The following FHIT variants were observed in gnomAD, a reference collection of about 807,000 sequenced individuals.
The protein encoded by FHIT is fragile histidine triad diadenosine triphosphatase, also known as bis(5'-adenosyl)-triphosphatase.
A neutral mutation model predicts 17.9 loss-of-function variants in FHIT; 19 were observed. The observed-to-expected ratio is 1.06, with a 90% confidence interval of 0.74 to 1.56. FHIT has a LOEUF of 1.56. Among genes scored for constraint, FHIT ranks in the 40% most tolerant of loss-of-function variants. FHIT has a pLI of 0.00. For missense variants in FHIT, 248 were observed against 189.2 expected (o/e 1.31, Z -1.82); for synonymous variants, 81 against 69.7 (o/e 1.16, Z -0.81).
At chr3:60,283,035 G>C (rs1264196836) in intron 5 of FHIT, among the ~76,000 whole-genome samples, 1 of 152,160 alleles carries the variant, frequency 6.6e-6, no homozygotes, top group Non-Finnish European at 1.5e-5. Context: ...ACAGATGGCA[G>C]AACCCTCAGG....
chr3:60,506,645 G>C (rs2034743048), intron 5 of FHIT, among the ~76,000 whole-genome samples: 1 of 152,140 alleles, frequency 6.6e-6, no homozygotes. Flanking sequence ...CCCTCCCAAA[G>C]GAAGCTTTAA....
In FHIT at chr3:60,778,052, G is replaced by C. The variant is rs782226794; in HGVS notation, c.-18+43867C>G. Among the ~76,000 whole-genome samples, 4 of 152,290 alleles carry C rather than the reference G, an allele frequency of 2.6e-5. No individual in the cohort carries two copies. In the Middle Eastern group the frequency reaches 0.01, roughly 388 times the overall value. ...CTAAGAGAGGTAAACAGAATTATTT[G>C]ACATGTTTAGGTACATGGGATTGCC... On this transcript the variant is annotated intron_variant, in intron 4 of 9. Coordinates refer to ENST00000492590, the MANE Select transcript of FHIT (RefSeq NM_002012.4).
Position 60,904,885 on chromosome 3 carries a change from G to A in FHIT, c.-110-82874C>T, listed in dbSNP as rs187891917. ...ACCCGGGAGGCGGAGGTTGCAGTGA[G>A]CTGAGATCACACCACTGCACTCCAG... On this transcript the variant is annotated intron_variant, in intron 3 of 9. Transcript: ENST00000492590. Among the ~76,000 whole-genome samples the A allele has an allele frequency of 1.0e-3, 155 of 148,768 alleles. 1 individual carries two copies. Among genetic ancestry groups the A allele is most frequent in the Admixed American group, 9.1e-3 (135 of 14,822 alleles).
At chr3:60,523,696 C>G (rs945765862) in intron 5 of FHIT, among the ~76,000 whole-genome samples, 1 of 152,194 alleles carries the variant, frequency 6.6e-6, no homozygotes, top group African/African-American at 2.4e-5. Context: ...TTATCAAACC[C>G]TTCTGTTAGA....
intron 5 of FHIT, among the ~76,000 whole-genome samples, chr3:60,381,950 G>A (rs1700817019): frequency 6.8e-6 from 1 of 146,062 alleles, no homozygotes; most frequent in African/African-American, 2.5e-5. Flanking sequence ...GTAACTACAA[G>A]TAGGTATTTA....
At chr3:59,998,761 C>T (rs1409993197) in intron 7 of FHIT, among the ~76,000 whole-genome samples, 1 of 152,098 alleles carries the variant, frequency 6.6e-6, no homozygotes, top group Non-Finnish European at 1.5e-5. Context: ...ACCTTCCTGT[C>T]CCCTTCCCTA....
intron 6 of FHIT, among the ~76,000 whole-genome samples, chr3:60,012,511 T>C (rs1700182873): frequency 6.6e-6 from 1 of 152,034 alleles, no homozygotes; most frequent in Non-Finnish European, 1.5e-5. Flanking sequence ...TCAAGAGAGC[T>C]GCCGGTCTTA....
chr3:60,663,518 C>T (rs1553691709), intron 4 of FHIT, among the ~76,000 whole-genome samples: 1 of 152,036 alleles, frequency 6.6e-6, no homozygotes, highest in Admixed American at 6.6e-5. Context: ...TCACTGCAAC[C>T]TCCATCTCCT....
chr3:59,954,962 C>T (rs916867234), intron 7 of FHIT, among the ~76,000 whole-genome samples: 1 of 152,152 alleles, frequency 6.6e-6, no homozygotes, highest in Non-Finnish European at 1.5e-5. Context: ...ACAAAATCAG[C>T]AGTACTGTTT....
At chr3:60,436,656 TG>T (rs752433240) in intron 5 of FHIT, among the ~76,000 whole-genome samples, 2 of 152,144 alleles carry the variant, frequency 1.3e-5, no homozygotes, top group Non-Finnish European at 2.9e-5. Flanking sequence ...TATTAAATCA[TG>T]AATGTAATGT....
intron 4 of FHIT, among the ~76,000 whole-genome samples, chr3:60,572,986 T>A (rs2037439273): frequency 6.6e-6 from 1 of 152,140 alleles, no homozygotes; most frequent in Non-Finnish European, 1.5e-5. Context: ...TATTTCCATA[T>A]TTCACTTGAT....
At chr3:60,957,496 C>T (rs1490630148) in intron 3 of FHIT, among the ~76,000 whole-genome samples, 2 of 152,148 alleles carry the variant, frequency 1.3e-5, no homozygotes, top group Non-Finnish European at 2.9e-5. Context: ...CTTGGCCTCC[C>T]AAAGTGCTGG....
At chr3:60,560,539 T>A (rs142413414) in intron 4 of FHIT, among the ~76,000 whole-genome samples, 1 of 152,200 alleles carries the variant, frequency 6.6e-6, no homozygotes, top group African/African-American at 2.4e-5. Context: ...TGGATCTTCC[T>A]GTTCCCTCAC....
At chr3:60,562,256 G>C (rs2036979158) in intron 4 of FHIT, among the ~76,000 whole-genome samples, 1 of 152,134 alleles carries the variant, frequency 6.6e-6, no homozygotes, top group Non-Finnish European at 1.5e-5. Context: ...AGACAGCAGT[G>C]AACAAAACAG....
rs10662932 is a variant in FHIT at position 60,849,441 on chromosome 3, A to AATATATATATATATATATATATAT, written c.-110-27431_-110-27430insATATATATATATATATATATATAT. ...AGGACTTTTGTTAATACAAAAATGAAATATATATATATATATATATATAAA... is the reference window on the plus strand; with the variant it reads ...AGGACTTTTGTTAATACAAAAATGAAATATATATATATATATATATATATATATATATATATATATATATATAAA... On this transcript the variant is annotated intron_variant, in intron 3 of 9. Transcript: ENST00000492590. Among the ~76,000 whole-genome samples the AATATATATATATATATATATATAT allele has an allele frequency of 5.8e-3, 798 of 137,310 alleles. 10 individuals are homozygous for AATATATATATATATATATATATAT. Among genetic ancestry groups the AATATATATATATATATATATATAT allele is most frequent in the Non-Finnish European group, 8.0e-3 (512 of 64,084 alleles). 90.1% of individuals were successfully genotyped at this position (137,310 alleles called of 152,430 possible).
In FHIT at chr3:60,202,467, C is replaced by T. The variant is rs1030210558; in HGVS notation, c.104-188315G>A. On this transcript the variant is annotated intron_variant, in intron 5 of 9. Transcript: ENST00000492590. ...CTGCCCAAGCACACATCCTTTGTCA[C>T]GGTGTGTGGTCAGGCACTAGTTGGC... Among the ~76,000 whole-genome samples, 8 of 152,270 alleles carry T rather than the reference C, an allele frequency of 5.3e-5. No homozygotes were observed. The Middle Eastern group carries it at 0.01, about 194-fold the overall frequency.
chr3:60,397,094 A>G (rs961032151), intron 5 of FHIT, among the ~76,000 whole-genome samples: 43 of 152,328 alleles, frequency 2.8e-4, no homozygotes, highest in African/African-American at 1.0e-3. Flanking sequence ...AAAATGTATT[A>G]TACAGATAAG....
intron 1 of FHIT, among the ~76,000 whole-genome samples, chr3:61,224,778 A>AGT (rs1442546510): frequency 6.6e-6 from 1 of 152,186 alleles, no homozygotes; most frequent in Admixed American, 6.5e-5. Context: ...CATTTCCACC[A>AGT]GTGTAACCTA....
chr3:60,723,667 C>T (rs1422968360), intron 4 of FHIT, among the ~76,000 whole-genome samples: 1 of 152,226 alleles, frequency 6.6e-6, no homozygotes, highest in Non-Finnish European at 1.5e-5. Context: ...GCACACCATG[C>T]ACCTTTTCCC....
Sources: allele counts gnomAD v4.1 joint callset (sites outside exome capture counted in the v4.1 genomes callset), GRCh38; gene constraint gnomAD v4.1.1; transcripts MANE v1.5; gene names NCBI Gene and HGNC (gene_info 2026-07-23, HGNC 2026-07-21).